Variants in GRM7 observed in about 807,000 individuals in gnomAD.
GRM7 encodes the protein metabotropic glutamate receptor 7.
Under a neutral mutation model 84.5 loss-of-function variants are expected in GRM7, and 35 were observed. That is an observed-to-expected ratio of 0.41 (90% confidence interval 0.32 to 0.55). GRM7 has a LOEUF of 0.55. Among genes scored for constraint, GRM7 ranks in the 20% least tolerant of loss-of-function variants. The pLI is 0.19. For missense variants in GRM7, 1,003 were observed against 1,194.6 expected (o/e 0.84, Z 2.36); for synonymous variants, 487 against 455.1 (o/e 1.07, Z -0.89).
chr3:7,314,835 A>T (rs571042654), intron 4 of GRM7, among the ~76,000 whole-genome samples: 3 of 152,118 alleles, frequency 2.0e-5, no homozygotes, highest in South Asian at 2.1e-4. Flanking sequence ...TGTATTTTTT[A>T]AAATTTCTGT....
intron 1 of GRM7, among the ~76,000 whole-genome samples, chr3:6,944,150 C>G (rs1023660765): frequency 7.9e-5 from 12 of 151,952 alleles, no homozygotes; most frequent in African/African-American, 2.7e-4. Flanking sequence ...CTCTGTTTTT[C>G]ATTTGCATGG....
At chr3:7,662,553 A>G (rs1170556492) in intron 8 of GRM7, among the ~76,000 whole-genome samples, 1 of 152,238 alleles carries the variant, frequency 6.6e-6, no homozygotes, top group African/African-American at 2.4e-5. Flanking sequence ...ACTTTGTATC[A>G]TATGTTAGAT....
At chr3:6,970,319 T>A (rs1193340462) in intron 1 of GRM7, among the ~76,000 whole-genome samples, 1 of 152,192 alleles carries the variant, frequency 6.6e-6, no homozygotes, top group Non-Finnish European at 1.5e-5. Flanking sequence ...CCCAACTAAA[T>A]CACTGGGTTC....
rs540631240 is a variant in GRM7 at position 7,539,366 on chromosome 3, C to A, written c.1516-39056C>A. On this transcript the variant is annotated intron_variant, in intron 7 of 9. Coordinates refer to ENST00000357716, the MANE Select transcript of GRM7 (RefSeq NM_000844.4). The stretch of plus-strand genomic sequence containing the variant: ...TTCTTCTAAACATTTTGCTGAAGTT[C>A]TCCGTGCTTTCTTTAAAACCAATCT... 1.6e-3 allele frequency among the ~76,000 whole-genome samples: 242 copies of A among 152,166 alleles called. 1 individual carries two copies. The highest frequency in any genetic ancestry group is 5.7e-3 in the African/African-American group (237 of 41,534).
intron 8 of GRM7, chr3:7,591,345 A>G (rs1695774506): frequency 7.6e-6 from 2 of 264,702 alleles, no homozygotes; most frequent in Non-Finnish European, 1.5e-5. Flanking sequence ...CAGTCTTCAG[A>G]ACAGTAAAGA....
chr3:7,040,428 G>C (rs931939323), intron 1 of GRM7, among the ~76,000 whole-genome samples: 1 of 151,896 alleles, frequency 6.6e-6, no homozygotes, highest in African/African-American at 2.4e-5. Context: ...TTAGCCTTCC[G>C]AGTAGCTGGG....
At chr3:6,899,699 T>A (rs2125001247) in intron 1 of GRM7, among the ~76,000 whole-genome samples, 1 of 152,328 alleles carries the variant, frequency 6.6e-6, no homozygotes, top group East Asian at 1.9e-4. Context: ...AAACTGTAAT[T>A]TATTTTAGAC....
chr3:6,949,210 T>G (rs543119985), intron 1 of GRM7, among the ~76,000 whole-genome samples: 6 of 152,346 alleles, frequency 3.9e-5, no homozygotes, highest in Non-Finnish European at 5.9e-5. Flanking sequence ...TTCCTTTCCA[T>G]GTTTAATGCT....
intron 1 of GRM7, among the ~76,000 whole-genome samples, chr3:7,041,805 C>T (rs893044955): frequency 6.6e-6 from 1 of 152,262 alleles, no homozygotes; most frequent in Admixed American, 6.5e-5. Flanking sequence ...GAGGTGGGGG[C>T]TGATCACCAT....
At chr3:7,626,110 A>G (rs1046275634) in intron 8 of GRM7, among the ~76,000 whole-genome samples, 45 of 152,228 alleles carry the variant, frequency 3.0e-4, no homozygotes, top group African/African-American at 6.0e-4. Context: ...GCCAGACTGC[A>G]AAAGGTAAAG....
At chr3:7,712,094 A>T (rs932409184) in intron 9 of GRM7, among the ~76,000 whole-genome samples, 2 of 152,158 alleles carry the variant, frequency 1.3e-5, no homozygotes, top group African/African-American at 4.8e-5. Context: ...TTAGCGGGGC[A>T]TGCCTTCCTG....
At chr3:7,295,311 G>A (rs1349540638) in intron 2 of GRM7, among the ~76,000 whole-genome samples, 1 of 151,946 alleles carries the variant, frequency 6.6e-6, no homozygotes, top group Non-Finnish European at 1.5e-5. Flanking sequence ...TATTTGTGTT[G>A]GTATACTTCT....
chr3:7,041,034 C>A (rs542768434), intron 1 of GRM7, among the ~76,000 whole-genome samples: 2 of 148,048 alleles, frequency 1.4e-5, no homozygotes, highest in Admixed American at 6.8e-5. Context: ...AAGCCATGAT[C>A]GTGCCACTGC....
At chr3:7,424,955 C>A (rs761980341) in intron 5 of GRM7, among the ~76,000 whole-genome samples, 2 of 152,126 alleles carry the variant, frequency 1.3e-5, no homozygotes, top group African/African-American at 4.8e-5. Context: ...CCATTATACA[C>A]GTGATGAAAT....
At chr3:7,228,709 T>C (rs1012231924) in intron 2 of GRM7, among the ~76,000 whole-genome samples, 31 of 152,322 alleles carry the variant, frequency 2.0e-4, no homozygotes, top group African/African-American at 7.5e-4. Context: ...ATTTATGAGA[T>C]TTGGAATCAA....
chr3:7,168,167 A>T (rs919732435), intron 2 of GRM7, among the ~76,000 whole-genome samples: 1 of 152,082 alleles, frequency 6.6e-6, no homozygotes, highest in African/African-American at 2.4e-5. Flanking sequence ...CTCAGCATTT[A>T]TAAGCATTGC....
At chr3:7,589,618 T>C (rs1345132015) in intron 8 of GRM7, among the ~76,000 whole-genome samples, 4 of 152,120 alleles carry the variant, frequency 2.6e-5, no homozygotes, top group Non-Finnish European at 4.4e-5. Flanking sequence ...GGTTGAGAGC[T>C]GTGTGGATGA....
At chr3:7,153,132 G>GC (rs1694337702) in intron 2 of GRM7, among the ~76,000 whole-genome samples, 1 of 99,060 alleles carries the variant, frequency 1.0e-5, no homozygotes, top group Non-Finnish European at 1.9e-5. Flanking sequence ...TGGTACTGTG[G>GC]ATTTTTTTTT....
intron 1 of GRM7, among the ~76,000 whole-genome samples, chr3:6,896,219 G>T (rs1032997058): frequency 1.3e-5 from 2 of 152,004 alleles, no homozygotes; most frequent in Admixed American, 1.3e-4. Flanking sequence ...GTATTCCCAC[G>T]CCTGCCCCTT....
Sources: allele counts gnomAD v4.1 joint callset (sites outside exome capture counted in the v4.1 genomes callset), GRCh38; gene constraint gnomAD v4.1.1; transcripts MANE v1.5; gene names NCBI Gene and HGNC (gene_info 2026-07-23, HGNC 2026-07-21).